TENT5D: variants seen among roughly 807,000 people sequenced by gnomAD.
TENT5D encodes cancer/testis antigen 112.
For synonymous variants in TENT5D, 103 were observed against 100.6 expected (o/e 1.02, Z -0.15); for missense variants, 191 against 287.0 (o/e 0.67, Z 2.42).
intron 3 of TENT5D, among the ~76,000 whole-genome samples, chrX:80,399,786 A>T (rs1291277095): frequency 1.8e-5 from 2 of 111,878 alleles, no homozygotes; most frequent in Non-Finnish European, 3.8e-5. Context: ...CTTTTTTTTC[A>T]CCATTAAGTA....
chrX:80,350,052 G>A (rs1930145191), intron 3 of TENT5D, among the ~76,000 whole-genome samples: 1 of 111,548 alleles, frequency 9.0e-6, no homozygotes, highest in African/African-American at 3.3e-5. Context: ...TTGCTGAGGA[G>A]TGTTTTACTT....
intron 3 of TENT5D, among the ~76,000 whole-genome samples, chrX:80,348,871 G>T (rs1044687553): frequency 8.9e-6 from 1 of 111,875 alleles, no homozygotes; most frequent in Non-Finnish European, 1.9e-5. Flanking sequence ...TAACATGAAG[G>T]GGTGTTGAAT....
intron 3 of TENT5D, among the ~76,000 whole-genome samples, chrX:80,344,867 C>T (rs978776116): frequency 1.8e-5 from 2 of 111,380 alleles, no homozygotes; most frequent in African/African-American, 3.3e-5. Context: ...AATTTAGATA[C>T]TTTGAAGCCT....
intron 3 of TENT5D, among the ~76,000 whole-genome samples, chrX:80,394,529 TTA>T (rs1931203509): frequency 2.8e-5 from 3 of 106,295 alleles, no homozygotes; most frequent in African/African-American, 6.9e-5. Flanking sequence ...GTAGCTGGGA[TTA>T]CAGACATGCG....
intron 3 of TENT5D, among the ~76,000 whole-genome samples, chrX:80,397,606 C>T (rs1346274486): frequency 7.2e-5 from 8 of 111,329 alleles, no homozygotes; most frequent in Non-Finnish European, 1.5e-4. Flanking sequence ...TGTAGCAAGC[C>T]GAGATCACGC....
chrX:80,432,230 A>G (rs1044661269), intron 1 of TENT5D, among the ~76,000 whole-genome samples: 1 of 111,659 alleles, frequency 9.0e-6, no homozygotes, highest in Non-Finnish European at 1.9e-5. Context: ...CCAATTCTCT[A>G]ATGGGCTGTT....
chrX:80,339,868 T>TAG (rs1350470933), intron 2 of TENT5D, among the ~76,000 whole-genome samples: 23 of 104,042 alleles, frequency 2.2e-4, no homozygotes, highest in African/African-American at 8.4e-4. Context: ...TATATATATA[T>TAG]ATATAGAGAG....
intron 3 of TENT5D, among the ~76,000 whole-genome samples, chrX:80,406,365 G>T (rs866650165): frequency 4.3e-4 from 46 of 106,689 alleles, no homozygotes; most frequent in African/African-American, 1.5e-3. Context: ...AAATTTAGAA[G>T]AATGTATAAC....
chrX:80,430,942 G>A (rs1932076478), intron 1 of TENT5D, among the ~76,000 whole-genome samples: 1 of 110,971 alleles, frequency 9.0e-6, no homozygotes, highest in South Asian at 3.9e-4. Context: ...TACCCTAGGG[G>A]CCTGGGAGAG....
chrX:80,385,957 G>A (rs777045937), intron 3 of TENT5D, among the ~76,000 whole-genome samples: 101 of 111,933 alleles, frequency 9.0e-4, no homozygotes, highest in African/African-American at 2.3e-3. Context: ...AAATAGGAAC[G>A]CTTTTACACT....
chrX:80,415,268 T>A (rs1231766997), intron 3 of TENT5D, among the ~76,000 whole-genome samples: 1 of 111,781 alleles, frequency 8.9e-6, no homozygotes, highest in Non-Finnish European at 1.9e-5. Flanking sequence ...GTCTTCCTAT[T>A]TGGATACCCT....
intron 3 of TENT5D, among the ~76,000 whole-genome samples, chrX:80,362,918 A>C (rs1414540841): frequency 2.7e-5 from 3 of 112,267 alleles, no homozygotes; most frequent in Non-Finnish European, 5.6e-5. Flanking sequence ...AGGTAAATAT[A>C]AAAGGATAAT....
intron 3 of TENT5D, among the ~76,000 whole-genome samples, chrX:80,374,548 G>A (rs1480064124): frequency 9.0e-6 from 1 of 110,878 alleles, no homozygotes; most frequent in Non-Finnish European, 1.9e-5. Context: ...TGACTGTTGT[G>A]AGATGGTATT....
upstream of TENT5D, among the ~76,000 whole-genome samples, chrX:80,417,184 G>C (rs903535176): frequency 6.3e-5 from 7 of 110,552 alleles, no homozygotes; most frequent in African/African-American, 2.3e-4. Context: ...TTTTCTTTGA[G>C]TCTGGGTGTC....
chrX:80,411,098 G>C (rs1192716901), intron 3 of TENT5D, among the ~76,000 whole-genome samples: 2 of 74,124 alleles, frequency 2.7e-5, no homozygotes, highest in East Asian at 1.0e-3. Context: ...CTGTTGTGGG[G>C]TGGGGGGAGG....
chrX:80,413,961 G>A (rs1931721083), intron 3 of TENT5D, among the ~76,000 whole-genome samples: 1 of 112,335 alleles, frequency 8.9e-6, no homozygotes, highest in African/African-American at 3.2e-5. Context: ...CAGTGGTAAG[G>A]AGAAATGAAG....
intron 2 of TENT5D, among the ~76,000 whole-genome samples, chrX:80,340,402 T>A (rs766674153): frequency 2.1e-4 from 23 of 111,182 alleles, no homozygotes; most frequent in African/African-American, 7.5e-4. Flanking sequence ...AGATATGGCT[T>A]TTATTTACTG....
intron 3 of TENT5D, among the ~76,000 whole-genome samples, chrX:80,344,107 T>C (rs1055293064): frequency 3.6e-5 from 4 of 110,723 alleles, no homozygotes; most frequent in African/African-American, 1.3e-4. Context: ...GATGCATCTA[T>C]GTTGCTGCAA....
chrX:80,337,787 A>G (rs1356206829), intron 2 of TENT5D, among the ~76,000 whole-genome samples: 1 of 108,832 alleles, frequency 9.2e-6, no homozygotes, highest in Non-Finnish European at 1.9e-5. Context: ...TTTTTTTTGG[A>G]GTTGGAGTCT....
Sources: allele counts gnomAD v4.1 joint callset (sites outside exome capture counted in the v4.1 genomes callset), GRCh38; gene constraint gnomAD v4.1.1; transcripts MANE v1.5; gene names NCBI Gene and HGNC (gene_info 2026-07-23, HGNC 2026-07-21).